VWA5B1: variants seen among roughly 807,000 people sequenced by gnomAD.
VWA5B1 encodes von Willebrand factor A domain containing 5B1, also known as von Willebrand factor A domain-containing protein 5B1.
In VWA5B1, 115 loss-of-function variants were observed where a neutral mutation model predicts 118.2. That is an observed-to-expected ratio of 0.97 (90% CI 0.84 to 1.14). The LOEUF is 1.14. VWA5B1 is among the 50% of genes most tolerant of loss of function. The probability of loss-of-function intolerance (pLI) is 0.00; values close to 1 mark genes in which losing one functional copy is unlikely to be tolerated. For missense variants in VWA5B1, 1,596 were observed against 1,603.8 expected (o/e 1.00, Z 0.08); for synonymous variants, 682 against 658.4 (o/e 1.04, Z -0.55).
chr1:20,304,063 C>T (rs1285252266), intron 1 of VWA5B1, among the ~76,000 whole-genome samples: 1 of 152,170 alleles, frequency 6.6e-6, no homozygotes, highest in Admixed American at 6.5e-5. Flanking sequence ...TATTCAGAGC[C>T]CCTCCTCCAA....
At chr1:20,295,213 G>C (rs560572373) in intron 1 of VWA5B1, among the ~76,000 whole-genome samples, 1 of 152,174 alleles carries the variant, frequency 6.6e-6, no homozygotes, top group East Asian at 1.9e-4. Context: ...CGTAAACAAG[G>C]GTGCAAAGTT....
intron 8 of VWA5B1, among the ~76,000 whole-genome samples, chr1:20,325,480 G>A (rs1400906171): frequency 1.3e-5 from 2 of 152,176 alleles, no homozygotes; most frequent in African/African-American, 4.8e-5. Flanking sequence ...AATTGGTCAT[G>A]ACATTTTTTT....
Position 20,358,492 on chromosome 1 carries a change from C to T in VWA5B1, c.*4229C>T, listed in dbSNP as rs965567999. ...CCCTATCTGTGTACAGTCTGCCCCC[C>T]CACCCTGCAATTGCCTGCCCCATTG... On this transcript the variant is annotated 3_prime_UTR_variant, in exon 22 of 22. Transcript: ENST00000289815. Among the ~76,000 whole-genome samples the T allele has an allele frequency of 6.6e-6, 1 of 152,166 alleles. No individual in the cohort carries two copies. The highest frequency in any genetic ancestry group is 1.5e-5 in the Non-Finnish European group (1 of 68,014).
At chr1:20,330,472 G>A in intron 10 of VWA5B1, 90 bp downstream of exon 10, 2 of 1,453,056 alleles carry the variant, frequency 1.4e-6, no homozygotes, top group South Asian at 2.5e-5. Context: ...AAATGCCAGA[G>A]GGAGAGGATA....
intron 1 of VWA5B1, among the ~76,000 whole-genome samples, chr1:20,306,566 C>A (rs1333195609): frequency 6.6e-6 from 1 of 152,222 alleles, no homozygotes; most frequent in Non-Finnish European, 1.5e-5. Flanking sequence ...CCTGTTCCCA[C>A]TGCATCCCCA....
At chr1:20,312,457 C>T (rs966017642) in intron 2 of VWA5B1, among the ~76,000 whole-genome samples, 1 of 152,212 alleles carries the variant, frequency 6.6e-6, no homozygotes. Flanking sequence ...GAACTCTAGT[C>T]TTCCTCCAAA....
Position 20,332,833 on chromosome 1 carries a change from C to T in VWA5B1, c.1640C>T (p.Pro547Leu), listed in dbSNP as rs959532826. Residue 547 changes from proline (P) to leucine (L), a missense_variant, in exon 12 of 22, where the codon CCT (proline) becomes CTT (leucine). By Grantham distance (98) the Pro-to-Leu change is moderately conservative (BLOSUM62 -3). Transcript: ENST00000289815. The stretch of plus-strand genomic sequence containing the variant: ...GATGTGACTGTGGAGTGGATCTTCC[C>T]TGAGACCACTGAGGTCCTGGTCTCA... ...LSDVTVEWIF[P>L]ETTEVLVSPV... 6 of 1,551,694 alleles carry T rather than the reference C, an allele frequency of 3.9e-6. No individual in the cohort carries two copies. The highest frequency in any genetic ancestry group is 4.4e-6 in the Non-Finnish European group (5 of 1,147,032).
chr1:20,308,782 C>T (rs1286057695), intron 1 of VWA5B1, among the ~76,000 whole-genome samples: 8 of 152,114 alleles, frequency 5.3e-5, no homozygotes, highest in Non-Finnish European at 8.8e-5. Context: ...GGCGGGGTGC[C>T]GGGGTGTCGG....
chr1:20,328,001 G>A lies in VWA5B1; in HGVS notation c.1254+1G>A, dbSNP rs1319687192. The A allele has an allele frequency of 6.4e-7, 1 of 1,551,282 alleles. No individual in the cohort carries two copies. Among genetic ancestry groups the A allele is most frequent in the South Asian group, 1.2e-5 (1 of 84,050 alleles). Reference sequence around the variant, plus strand: ...TCCTTCCAGCCAGACCTACAGTGAGGTAATGAGGGGGCAAGGCTGGGACCA... The same window carrying A: ...TCCTTCCAGCCAGACCTACAGTGAGATAATGAGGGGGCAAGGCTGGGACCA... On this transcript the variant is annotated splice_donor_variant, in intron 9 of 21. Coordinates refer to ENST00000289815, the MANE Select transcript of VWA5B1 (RefSeq NM_001039500.3). LOFTEE classifies it high-confidence loss of function.
At position 20,314,371 on chromosome 1, in the gene VWA5B1, G is replaced by T; in HGVS notation, c.342G>T (p.Pro114=). The change falls in exon 4 of 22, where the codon CCG becomes CCT. Residue 114 remains proline, a synonymous_variant. Transcript: ENST00000289815. ...GVSIAPHSCT[P]GKVTLDEDLE... The stretch of plus-strand genomic sequence containing the variant: ...CCATAGCCCCTCATTCCTGCACACC[G>T]GGAAAGGTGACCTTGGACGAGGATT... 6.4e-7 allele frequency: 1 copy of T among 1,551,972 alleles called. No homozygotes were observed. The highest frequency in any genetic ancestry group is 8.7e-7 in the Non-Finnish European group (1 of 1,147,044).
rs2090258214 is a variant in VWA5B1, at chr1:20,357,937, CT to C, written c.*3675del. Among the ~76,000 whole-genome samples, 1 of 152,170 alleles carries C rather than the reference CT, an allele frequency of 6.6e-6. No individual in the cohort carries two copies. Among genetic ancestry groups the C allele is most frequent in the Non-Finnish European group, 1.5e-5 (1 of 68,044 alleles). On this transcript the variant is annotated 3_prime_UTR_variant, in exon 22 of 22. Coordinates refer to ENST00000289815, the MANE Select transcript of VWA5B1 (RefSeq NM_001039500.3). ...TTGTCCAGGTGGAGCAGGAATGTCC[CT>C]GCAACAGAGTGCCCCGAGGGCCCAA...
chr1:20,303,522 G>A (rs1269086344), intron 1 of VWA5B1, among the ~76,000 whole-genome samples: 1 of 152,174 alleles, frequency 6.6e-6, no homozygotes, highest in African/African-American at 2.4e-5. Context: ...GCTCAGACCT[G>A]GAGGAAGCTA....
At chr1:20,314,714 G>T in intron 4 of VWA5B1, 122 bp downstream of exon 4, 2 of 1,452,928 alleles carry the variant, frequency 1.4e-6, no homozygotes, top group Non-Finnish European at 9.1e-7. Context: ...TCTGCTCTAC[G>T]ATTGCCACCC....
intron 7 of VWA5B1, 93 bp downstream of exon 7, chr1:20,319,599 C>T: frequency 2.0e-6 from 3 of 1,504,850 alleles, no homozygotes; most frequent in Non-Finnish European, 2.7e-6. Flanking sequence ...GGGAGGTAAC[C>T]TGCCCGAGGT....
intron 11 of VWA5B1, among the ~76,000 whole-genome samples, chr1:20,332,479 C>CAAAATAAAACAAAAT (rs1490915688): frequency 1.1e-5 from 1 of 88,750 alleles, no homozygotes; most frequent in Non-Finnish European, 2.3e-5. Context: ...GACTCTGTCT[C>CAAAATAAAACAAAAT]AAAATAAAAT....
chr1:20,333,769 A>T (rs1005084035), intron 12 of VWA5B1, among the ~76,000 whole-genome samples: 1 of 152,208 alleles, frequency 6.6e-6, no homozygotes, highest in Admixed American at 6.5e-5. Flanking sequence ...GTTCATGCTA[A>T]AATGTGAGAG....
At position 20,354,141 on chromosome 1, in the gene VWA5B1, G is replaced by C. The variant is rs1361433024; in HGVS notation, c.3526G>C (p.Val1176Leu). 3 of 1,551,376 alleles carry C rather than the reference G, an allele frequency of 1.9e-6. No homozygotes were observed. The South Asian group carries it at 3.6e-5, about 18-fold the overall frequency. Residue 1176 changes from valine to leucine, a missense_variant, in exon 22 of 22, where the codon GTA becomes CTA. Coordinates refer to ENST00000289815, the MANE Select transcript of VWA5B1 (RefSeq NM_001039500.3). ...CAACTCATGGCTGGAGCAGCAGGAA[G>C]TACCCGAGGGCCGCACGCAGGGCAC... ...KANSWLEQQE[V>L]PEGRTQGTLK...
Position 20,353,940 on chromosome 1 carries a change from C to T in VWA5B1, c.3325C>T (p.His1109Tyr). 1 of 1,551,056 alleles carries T rather than the reference C, an allele frequency of 6.4e-7. No individual in the cohort carries two copies. Among genetic ancestry groups the T allele is most frequent in the Non-Finnish European group, 8.7e-7 (1 of 1,146,502 alleles). ...GCTGTGCACCAGCTCCCCGCCTAGG[C>T]ACCCGTCCTGTGACAGCTTCTCCCT... Reference protein sequence around the residue: ...PQLCTSSPPRHPSCDSFSLEP... With the variant: ...PQLCTSSPPRYPSCDSFSLEP... Residue 1109 changes from histidine to tyrosine, a missense_variant, in exon 22 of 22, where the codon CAC becomes TAC. Physicochemically the swap from His to Tyr is moderately conservative, Grantham distance 83 (BLOSUM62 2). Transcript: ENST00000289815.
At chr1:20,293,447 T>C (rs555300832) in intron 1 of VWA5B1, among the ~76,000 whole-genome samples, 146 of 152,342 alleles carry the variant, frequency 9.6e-4, no homozygotes, top group African/African-American at 3.4e-3. Flanking sequence ...CCTGGGCTCC[T>C]TTTCGGATAC....
Sources: gnomAD v4.1 joint callset for allele counts (sites outside exome capture counted in the v4.1 genomes callset) on GRCh38, gnomAD v4.1.1 for gene constraint, MANE v1.5 for transcripts, NCBI Gene and HGNC (gene_info 2026-07-23, HGNC 2026-07-21) for gene names.